CFDP1: variants seen among roughly 807,000 people sequenced by gnomAD.
CFDP1 encodes heterochromatin-stabilizing protein CFDP1.
In CFDP1, 31 loss-of-function variants were observed where a neutral mutation model predicts 40.1. That is an observed-to-expected ratio of 0.77 (90% CI 0.58 to 1.04). CFDP1 has a LOEUF of 1.04. Among genes scored for constraint, CFDP1 ranks in the 50% least tolerant of loss-of-function variants. The probability of loss-of-function intolerance (pLI) is 0.00; values close to 1 mark genes in which losing one functional copy is unlikely to be tolerated. For missense variants in CFDP1, 423 were observed against 343.4 expected, an observed-to-expected ratio of 1.23 and a Z score of -1.83; for synonymous variants, 167 against 120.0, an observed-to-expected ratio of 1.39 and a Z score of -2.56.
At chr16:75,393,331 T>A (rs2078968008) in intron 5 of CFDP1, among the ~76,000 whole-genome samples, 2 of 152,192 alleles carry the variant, frequency 1.3e-5, no homozygotes, top group South Asian at 2.1e-4. Context: ...ATAAATGACA[T>A]GCACTTAAAC....
At position 75,381,861 on chromosome 16, in the gene CFDP1, G is replaced by T. The variant is rs141578001; in HGVS notation, c.650+13229C>A. 2.8e-4 allele frequency among the ~76,000 whole-genome samples: 43 copies of T among 152,302 alleles called. No individual in the cohort carries two copies. In the East Asian group the frequency reaches 7.9e-3, roughly 28 times the overall value. ...CAGTGTTGAAAAGATGGTTAAAGTT[G>T]TAGCAGTAGATGATACTATTAGATG... is the stretch of plus-strand genomic sequence containing the variant. On this transcript the variant is annotated intron_variant, in intron 5 of 6. Transcript: ENST00000283882.
At chr16:75,370,643 A>ACC (rs966020975) in intron 5 of CFDP1, among the ~76,000 whole-genome samples, 1 of 152,048 alleles carries the variant, frequency 6.6e-6, no homozygotes, top group Non-Finnish European at 1.5e-5. Flanking sequence ...AGGGCGGATC[A>ACC]CCTGAGGTCA....
At position 75,396,908 on chromosome 16, in the gene CFDP1, T is replaced by C. The variant is rs1363320217; in HGVS notation, c.531-1699A>G. On this transcript the variant is annotated intron_variant, in intron 4 of 6. Transcript: ENST00000283882. ...CCTCTGAGAAGTTTTTTCTTGTTTTTTGTTTGTTTGTTTGTTTTCATTTGA... is the reference window on the plus strand; with the variant it reads ...CCTCTGAGAAGTTTTTTCTTGTTTTCTGTTTGTTTGTTTGTTTTCATTTGA... Among the ~76,000 whole-genome samples the C allele has an allele frequency of 2.6e-5, 4 of 152,032 alleles. No homozygotes were observed. In the East Asian group the frequency reaches 7.8e-4, roughly 30 times the overall value.
rs187972636 is a variant in CFDP1 at position 75,358,208 on chromosome 16, T to G, written c.650+36882A>C. Among the ~76,000 whole-genome samples, 710 of 152,174 alleles carry G rather than the reference T, an allele frequency of 4.7e-3. 8 individuals are homozygous for G. The highest frequency in any genetic ancestry group is 3.9e-3 in the Non-Finnish European group (266 of 68,004). Reference sequence around the variant, plus strand: ...ACCAAAATAGGACAGAGACATGAAGTAAATACAAGCTGCTGTTAAAATGGC... The same window carrying G: ...ACCAAAATAGGACAGAGACATGAAGGAAATACAAGCTGCTGTTAAAATGGC... On this transcript the variant is annotated intron_variant, in intron 5 of 6. Transcript: ENST00000283882.
At chr16:75,431,317 G>C (rs1379291971) in intron 1 of CFDP1, among the ~76,000 whole-genome samples, 2 of 151,840 alleles carry the variant, frequency 1.3e-5, no homozygotes, top group Non-Finnish European at 2.9e-5. Context: ...ATTCGGGTGT[G>C]CTGGCGGGGA....
In CFDP1 at chr16:75,423,323, T is replaced by C. The variant is rs1167517486; in HGVS notation, c.65-8628A>G. ...AATTAGATGGGCATGATGGTGTGCA[T>C]CTGTAGTCCCAGGTACCTGGGAGGC... is the stretch of plus-strand genomic sequence containing the variant. On this transcript the variant is annotated intron_variant, in intron 1 of 6. Coordinates refer to ENST00000283882, the MANE Select transcript of CFDP1 (RefSeq NM_006324.3). Among the ~76,000 whole-genome samples the C allele has an allele frequency of 9.4e-5, 14 of 149,306 alleles. No individual in the cohort carries two copies. In the East Asian group the frequency reaches 2.6e-3, roughly 28 times the overall value.
chr16:75,423,411 C>T (rs771547110), intron 1 of CFDP1, among the ~76,000 whole-genome samples: 3 of 152,130 alleles, frequency 2.0e-5, no homozygotes, highest in Non-Finnish European at 4.4e-5. Flanking sequence ...TGCGCCACTG[C>T]ACTCCAGTCT....
At chr16:75,342,405 T>G (rs937646426) in intron 5 of CFDP1, among the ~76,000 whole-genome samples, 2 of 152,202 alleles carry the variant, frequency 1.3e-5, no homozygotes, top group Non-Finnish European at 2.9e-5. Flanking sequence ...CTCTGCCATG[T>G]CTCAGCTTCA....
chr16:75,357,246 T>C (rs1458615108), intron 5 of CFDP1, among the ~76,000 whole-genome samples: 1 of 151,974 alleles, frequency 6.6e-6, no homozygotes, highest in Non-Finnish European at 1.5e-5. Flanking sequence ...AAAATTATTT[T>C]ATTTATTTTT....
intron 5 of CFDP1, among the ~76,000 whole-genome samples, chr16:75,328,745 C>A (rs981572213): frequency 1.3e-5 from 2 of 149,060 alleles, no homozygotes; most frequent in East Asian, 2.0e-4. Flanking sequence ...GTGGTGTGAT[C>A]TTGGCTCAAT....
chr16:75,381,794 G>C (rs1010493244), intron 5 of CFDP1, among the ~76,000 whole-genome samples: 1 of 152,148 alleles, frequency 6.6e-6, no homozygotes, highest in East Asian at 1.9e-4. Flanking sequence ...TGGAGTTCAG[G>C]AGAAAAGCAG....
intron 5 of CFDP1, among the ~76,000 whole-genome samples, chr16:75,351,415 A>G (rs1212191006): frequency 6.6e-6 from 1 of 152,236 alleles, no homozygotes; most frequent in Non-Finnish European, 1.5e-5. Context: ...AATGTACTAA[A>G]GGGGCCTGGA....
At chr16:75,330,010 T>C (rs1471747370) in intron 5 of CFDP1, among the ~76,000 whole-genome samples, 1 of 152,178 alleles carries the variant, frequency 6.6e-6, no homozygotes, top group African/African-American at 2.4e-5. Flanking sequence ...CCACGTGCTT[T>C]AGAATCCCCA....
intron 5 of CFDP1, among the ~76,000 whole-genome samples, chr16:75,306,190 T>C (rs2078255770): frequency 6.6e-6 from 1 of 152,236 alleles, no homozygotes; most frequent in Non-Finnish European, 1.5e-5. Flanking sequence ...CTACTGATAA[T>C]AATACCTTTA....
intron 5 of CFDP1, among the ~76,000 whole-genome samples, chr16:75,356,106 T>A (rs185477979): frequency 1.3e-5 from 2 of 152,226 alleles, no homozygotes; most frequent in Admixed American, 1.3e-4. Flanking sequence ...ATGTTCTTAA[T>A]GGCATCTAGG....
chr16:75,430,189 G>A (rs1032605529), intron 1 of CFDP1, among the ~76,000 whole-genome samples: 1 of 143,952 alleles, frequency 6.9e-6, no homozygotes, highest in African/African-American at 2.5e-5. Flanking sequence ...TTGTTTTTTC[G>A]AGATGGAGTC....
chr16:75,355,816 G>C (rs1043924852), intron 5 of CFDP1, among the ~76,000 whole-genome samples: 16 of 152,218 alleles, frequency 1.1e-4, no homozygotes, highest in African/African-American at 3.4e-4. Flanking sequence ...CGCCATGACT[G>C]TAAGTTTCCT....
At chr16:75,315,124 G>C (rs1164052434) in intron 5 of CFDP1, among the ~76,000 whole-genome samples, 3 of 151,930 alleles carry the variant, frequency 2.0e-5, no homozygotes, top group African/African-American at 7.3e-5. Context: ...CCATCATTTG[G>C]CCAACCTAAA....
intron 5 of CFDP1, among the ~76,000 whole-genome samples, chr16:75,340,137 T>A (rs920495468): frequency 2.6e-5 from 4 of 152,240 alleles, no homozygotes; most frequent in African/African-American, 9.6e-5. Flanking sequence ...CTTATGATTG[T>A]CATGAATCAA....
Sources: gnomAD v4.1 joint callset for allele counts (sites outside exome capture counted in the v4.1 genomes callset) on GRCh38, gnomAD v4.1.1 for gene constraint, MANE v1.5 for transcripts, NCBI Gene and HGNC (gene_info 2026-07-23, HGNC 2026-07-21) for gene names.